ATAD3C: variants seen among roughly 807,000 people sequenced by gnomAD.
ATAD3C encodes the protein ATPase family AAA domain containing 3C.
ATAD3C carries 38 observed loss-of-function variants against 46.3 expected under a neutral mutation model. The observed-to-expected ratio is 0.82, with a 90% CI of 0.63 to 1.08. The LOEUF (loss-of-function observed/expected upper bound fraction) is 1.08. Among genes scored for constraint, ATAD3C ranks in the 50% least tolerant of loss-of-function variants. ATAD3C has a pLI of 0.00. For synonymous variants in ATAD3C, 220 were observed against 236.4 expected (o/e 0.93, Z 0.63); for missense variants, 563 against 572.7 (o/e 0.98, Z 0.17).
intron 11 of ATAD3C, among the ~76,000 whole-genome samples, chr1:1,466,711 G>A (rs1639151216): frequency 6.6e-6 from 1 of 151,804 alleles, no homozygotes; most frequent in Non-Finnish European, 1.5e-5. Context: ...TTGCATTCCA[G>A]GAATAAATCC....
intron 8 of ATAD3C, among the ~76,000 whole-genome samples, chr1:1,458,641 T>C (rs1266452707): frequency 5.9e-5 from 9 of 151,706 alleles, no homozygotes; most frequent in Non-Finnish European, 1.3e-4. Flanking sequence ...CAGGCTGGGC[T>C]CGAACTTCTG....
intron 3 of ATAD3C, among the ~76,000 whole-genome samples, chr1:1,453,031 C>T (rs562988538): frequency 6.6e-6 from 1 of 152,014 alleles, no homozygotes; most frequent in Non-Finnish European, 1.5e-5. Context: ...CACAGTAGGT[C>T]CCCGGCACTG....
intron 3 of ATAD3C, 49 bp downstream of exon 3, chr1:1,452,483 G>A (rs1286165555): frequency 6.2e-7 from 1 of 1,612,264 alleles, no homozygotes; most frequent in African/African-American, 1.3e-5. Flanking sequence ...GGGGCAGCAT[G>A]TGGGGGCCTC....
rs1383718826 is a variant in ATAD3C, at chr1:1,468,725, C to CAG, written c.*197_*198dup. ...CTGGGGTCAAAGGTGACAGAAAAGG[C>CAG]AGAAGCTGGGGCTTTCTGGAGGATT... On this transcript the variant is annotated 3_prime_UTR_variant, in exon 12 of 12. Transcript: ENST00000378785. The CAG allele has an allele frequency of 2.0e-6, 2 of 996,506 alleles. No individual in the cohort carries two copies. The highest frequency in any genetic ancestry group is 3.3e-5 in the African/African-American group (2 of 60,390). The allele number at this position is 996,506 out of a possible 1,614,324, so 61.7% of individuals were successfully genotyped here.
Position 1,454,151 on chromosome 1 carries a change from G to A in ATAD3C, c.223-194G>A, listed in dbSNP as rs1002504946. On this transcript the variant is annotated intron_variant, in intron 3 of 11. Coordinates refer to ENST00000378785, the MANE Select transcript of ATAD3C (RefSeq NM_001039211.3). The stretch of plus-strand genomic sequence containing the variant: ...AAATGGCCCTGAGTGAGGGCGCTGT[G>A]ACTGCCCCACCTGCCTCCTGTAACC... Among the ~76,000 whole-genome samples, 11 of 152,072 alleles carry A rather than the reference G, an allele frequency of 7.2e-5. No homozygotes were observed. The South Asian group carries it at 1.0e-3, about 14-fold the overall frequency.
In ATAD3C at chr1:1,459,423, G is replaced by A. The variant is rs976943161; in HGVS notation, c.812+192G>A. 6.6e-6 allele frequency among the ~76,000 whole-genome samples: 1 copy of A among 151,924 alleles called. No homozygotes were observed. The highest frequency in any genetic ancestry group is 1.5e-5 in the Non-Finnish European group (1 of 67,984). ...CACGGGGTGTCACTGAGGAACATGC[G>A]GGGGCCTCCCGGGCAGAGCTGGGGT... On this transcript the variant is annotated intron_variant, in intron 9 of 11. Coordinates refer to ENST00000378785, the MANE Select transcript of ATAD3C (RefSeq NM_001039211.3). The surrounding 1 kb of genome is among the most constrained non-coding windows in gnomAD (Gnocchi z 4.9).
intron 1 of ATAD3C, among the ~76,000 whole-genome samples, chr1:1,451,065 G>A (rs1638850966): frequency 6.6e-6 from 1 of 151,110 alleles, no homozygotes; most frequent in African/African-American, 2.4e-5. Context: ...TTTTGAGATG[G>A]TGTCTTGCTC....
At chr1:1,457,018 C>T (rs904874950) in intron 7 of ATAD3C, 111 bp from the exon 8 acceptor site, 10 of 1,459,522 alleles carry the variant, frequency 6.9e-6, no homozygotes, top group Non-Finnish European at 9.6e-6. Context: ...TGGGGCAGAG[C>T]CTGACCCCGT....
intron 2 of ATAD3C, 94 bp from the exon 3 acceptor site, chr1:1,452,271 A>G: frequency 6.3e-7 from 1 of 1,598,760 alleles, no homozygotes; most frequent in Admixed American, 1.7e-5. Flanking sequence ...TGGCAGGACC[A>G]GGCTGCTGTG....
chr1:1,468,663 T>C lies in ATAD3C; in HGVS notation c.*133T>C. The C allele has an allele frequency of 6.5e-7, 1 of 1,542,476 alleles. No homozygotes were observed. The highest frequency in any genetic ancestry group is 8.8e-7 in the Non-Finnish European group (1 of 1,136,846). On this transcript the variant is annotated 3_prime_UTR_variant, in exon 12 of 12. Transcript: ENST00000378785. ...GGGCCGCACCGCTGTGTCTATTGGC[T>C]GACACGGGGCGGGGTTTGGGGCCCC...
In ATAD3C at chr1:1,450,658, C is replaced by G. The variant is rs1638838570; in HGVS notation, c.-26C>G. The G allele has an allele frequency of 6.2e-7, 1 of 1,604,396 alleles. No individual in the cohort carries two copies. Among genetic ancestry groups the G allele is most frequent in the Admixed American group, 1.7e-5 (1 of 58,436 alleles). On this transcript the variant is annotated 5_prime_UTR_variant, in exon 1 of 12. Coordinates refer to ENST00000378785, the MANE Select transcript of ATAD3C (RefSeq NM_001039211.3). ...GGCATCCGTGTATCCTAACACCTGCCCTCCGTGTCCCTGCATCTGCAGGCC... is the reference window on the plus strand; with the variant it reads ...GGCATCCGTGTATCCTAACACCTGCGCTCCGTGTCCCTGCATCTGCAGGCC...
At chr1:1,451,904 G>A in intron 1 of ATAD3C, 142 bp from the exon 2 acceptor site, 2 of 1,374,376 alleles carry the variant, frequency 1.5e-6, no homozygotes, top group Non-Finnish European at 2.0e-6. Flanking sequence ...CCGTGTCTGT[G>A]TCAGGGTGCG....
At chr1:1,451,848 C>A (rs375629111) in intron 1 of ATAD3C, among the ~76,000 whole-genome samples, 198 bp from the exon 2 acceptor site, 99 of 152,130 alleles carry the variant, frequency 6.5e-4, no homozygotes, top group African/African-American at 1.8e-3. Flanking sequence ...GGAGTTTGGG[C>A]CCCTGAACCC....
chr1:1,463,030 G>C (rs1194544200), intron 11 of ATAD3C, among the ~76,000 whole-genome samples: 1 of 152,092 alleles, frequency 6.6e-6, no homozygotes, highest in African/African-American at 2.4e-5. Context: ...GCACCCCCCA[G>C]TGTGAATGGT....
Position 1,454,494 on chromosome 1 carries a change from C to T in ATAD3C, c.372C>T (p.Pro124=), listed in dbSNP as rs1210111717. 2.5e-6 allele frequency: 4 copies of T among 1,608,334 alleles called. No homozygotes were observed. Among genetic ancestry groups the T allele is most frequent in the African/African-American group, 1.3e-5 (1 of 74,382 alleles). ...CGGTGCTTGAGGCGCTGCGGCACCC[C>T]ATCCAGGTAGCGGCGCAGGCCTGGC... is the stretch of plus-strand genomic sequence containing the variant. ...RITVLEALRH[P]IQQVSRRLLS... The change falls in exon 4 of 12, where the codon CCC becomes CCT. Residue 124 remains proline (P), a synonymous_variant. Transcript: ENST00000378785.
In ATAD3C at chr1:1,459,351, A is replaced by G. The variant is rs866226462; in HGVS notation, c.812+120A>G. ...GTGCTGGGCAGCTGCCGTGGCCTCAACGTGCCCACCTTGGATGTCCCCTGG... is the reference window on the plus strand; with the variant it reads ...GTGCTGGGCAGCTGCCGTGGCCTCAGCGTGCCCACCTTGGATGTCCCCTGG... On this transcript the variant is annotated intron_variant, in intron 9 of 11. Transcript: ENST00000378785. This position sits in a 1 kb window ranked among gnomAD's most constrained non-coding sequence, Gnocchi z 4.9. 5 of 1,552,062 alleles carry G rather than the reference A, an allele frequency of 3.2e-6. No individual in the cohort carries two copies. The highest frequency in any genetic ancestry group is 1.4e-5 in the African/African-American group (1 of 73,304).
intron 1 of ATAD3C, among the ~76,000 whole-genome samples, chr1:1,451,210 T>G (rs1322174584): frequency 6.6e-6 from 1 of 151,026 alleles, no homozygotes; most frequent in African/African-American, 2.4e-5. Context: ...CCAGCTAATT[T>G]TTTTTGTATA....
intron 10 of ATAD3C, among the ~76,000 whole-genome samples, chr1:1,461,360 G>A (rs1013317033): frequency 6.9e-6 from 1 of 144,838 alleles, no homozygotes; most frequent in South Asian, 2.3e-4. Flanking sequence ...GCTACTTTTC[G>A]TATTTTTTGT....
Position 1,452,001 on chromosome 1 carries a change from T to G in ATAD3C, c.76-45T>G, listed in dbSNP as rs760291516. ...ACCTCTGGATTGGTGTTGAGCATTT[T>G]TCTGGTTTTAAAGGCTTTTCTCTTT... On this transcript the variant is annotated intron_variant, in intron 1 of 11. Transcript: ENST00000378785. 8 of 1,608,612 alleles carry G rather than the reference T, an allele frequency of 5.0e-6. No individual in the cohort carries two copies. In the African/African-American group the frequency reaches 1.1e-4, roughly 21 times the overall value.
Sources: allele counts gnomAD v4.1 joint callset (sites outside exome capture counted in the v4.1 genomes callset), GRCh38; gene constraint gnomAD v4.1.1; non-coding constraint Gnocchi (gnomAD v3.1); transcripts MANE v1.5; gene names NCBI Gene and HGNC (gene_info 2026-07-23, HGNC 2026-07-21).